Variants in RIN3 observed in about 807,000 individuals in gnomAD.
RIN3 encodes Ras and Rab interactor 3, also known as RAB5 interacting protein 3.
In RIN3, 54 loss-of-function variants were observed where a neutral mutation model predicts 76.3. The ratio of observed to expected loss-of-function variants is 0.71; its 90% CI spans 0.57 to 0.89. The LOEUF (loss-of-function observed/expected upper bound fraction) is 0.89, where lower values mean the gene tolerates loss of function less well. Ranked by LOEUF, RIN3 falls within the 40% of genes least tolerant of loss-of-function variation. RIN3 has a pLI of 0.00. For synonymous variants in RIN3, 576 were observed against 564.0 expected (o/e 1.02, Z -0.30); for missense variants, 1,256 against 1,322.1 (o/e 0.95, Z 0.78).
At chr14:92,639,345 G>A (rs1886898150) in intron 4 of RIN3, among the ~76,000 whole-genome samples, 1 of 152,152 alleles carries the variant, frequency 6.6e-6, no homozygotes, top group South Asian at 2.1e-4. Flanking sequence ...TGGACGAAGT[G>A]TGAGCAAGGG....
At chr14:92,558,692 C>T (rs1742223643) in intron 2 of RIN3, among the ~76,000 whole-genome samples, 1 of 152,160 alleles carries the variant, frequency 6.6e-6, no homozygotes, top group Non-Finnish European at 1.5e-5. Context: ...CTCTTGGGGG[C>T]AGCTGGAGCT....
At chr14:92,522,285 G>A (rs961450622) in intron 1 of RIN3, among the ~76,000 whole-genome samples, 6 of 152,070 alleles carry the variant, frequency 3.9e-5, no homozygotes, top group Admixed American at 2.6e-4. Flanking sequence ...TTTGGGTTGT[G>A]AGACCGGTGG....
intron 7 of RIN3, among the ~76,000 whole-genome samples, chr14:92,675,471 G>C (rs917031923): frequency 6.6e-6 from 1 of 152,208 alleles, no homozygotes; most frequent in African/African-American, 2.4e-5. Context: ...CACTGGCATG[G>C]GTTATTCTGC....
Position 92,583,317 on chromosome 14 carries a change from C to T in RIN3, c.367+5840C>T, listed in dbSNP as rs368836172. Among the ~76,000 whole-genome samples the T allele has an allele frequency of 1.7e-4, 26 of 152,368 alleles. No homozygotes were observed. In the South Asian group the frequency reaches 5.2e-3, roughly 30 times the overall value. ...GCTCTGTTTGAAGAAGAAACACTCG[C>T]TCTGACCACTTCCGTTTCCATGTGC... On this transcript the variant is annotated intron_variant, in intron 3 of 9. Transcript: ENST00000216487.
intron 7 of RIN3, among the ~76,000 whole-genome samples, chr14:92,667,442 A>G (rs1595498750): frequency 6.6e-6 from 1 of 152,004 alleles, no homozygotes; most frequent in East Asian, 1.9e-4. Flanking sequence ...GCTTGAACCC[A>G]GGAGGCGGAG....
In RIN3 at chr14:92,623,529, C is replaced by G. The variant is rs1390074121; in HGVS notation, c.440+8050C>G. Among the ~76,000 whole-genome samples, 1 of 152,176 alleles carries G rather than the reference C, an allele frequency of 6.6e-6. No homozygotes were observed. Among genetic ancestry groups the G allele is most frequent in the Admixed American group, 6.5e-5 (1 of 15,280 alleles). On this transcript the variant is annotated intron_variant, in intron 4 of 9. Transcript: ENST00000216487. The surrounding 1 kb of genome is among the most constrained non-coding windows in gnomAD (Gnocchi z 4.9). Reference sequence around the variant, plus strand: ...CGGGCTTTGAATCTATCAGGTACCCCCTGTGGGACTCCAATTTCATCTACA... The same window carrying G: ...CGGGCTTTGAATCTATCAGGTACCCGCTGTGGGACTCCAATTTCATCTACA...
At position 92,615,609 on chromosome 14, in the gene RIN3, G is replaced by C; in HGVS notation, c.440+130G>C. 3 of 764,926 alleles carry C rather than the reference G, an allele frequency of 3.9e-6. No individual in the cohort carries two copies. In the South Asian group the frequency reaches 4.5e-5, roughly 11 times the overall value. 47.4% of individuals were successfully genotyped at this position (764,926 alleles called of 1,614,324 possible). A position where few individuals can be genotyped will look rare whatever the true frequency, so the allele number is the denominator to read the frequency against. On this transcript the variant is annotated intron_variant, in intron 4 of 9. Coordinates refer to ENST00000216487, the MANE Select transcript of RIN3 (RefSeq NM_024832.5). ...TGTGGCCCAGAGGATGCAGAGAGAG[G>C]GCACAGGCCCCTCTGGGAACCACAG...
intron 2 of RIN3, among the ~76,000 whole-genome samples, chr14:92,572,709 T>G (rs532967052): frequency 2.0e-5 from 3 of 152,100 alleles, no homozygotes; most frequent in Non-Finnish European, 2.9e-5. Context: ...CGGTGGTGGT[T>G]GTTCTGTGGG....
intron 1 of RIN3, among the ~76,000 whole-genome samples, chr14:92,534,845 C>T (rs1242978127): frequency 6.6e-6 from 1 of 152,086 alleles, no homozygotes; most frequent in Admixed American, 6.5e-5. Context: ...TTTTATTGTT[C>T]CCCCTGAAGT....
Position 92,652,702 on chromosome 14 carries a change from C to T in RIN3, c.1653C>T (p.Ser551=), listed in dbSNP as rs1887509378. Residue 551 remains serine (S), a synonymous_variant, in exon 6 of 10, where the codon TCC becomes TCT. Transcript: ENST00000216487. The surrounding 1 kb of genome is among the most constrained non-coding windows in gnomAD (Gnocchi z 6.4). ...SVMATDQDSY[S]TSSTEEELEQ... Reference sequence around the variant, plus strand: ...TGGCCACCGACCAGGACTCCTACTCCACCAGCAGCACGGAGGAGGAGCTGG... The same window carrying T: ...TGGCCACCGACCAGGACTCCTACTCTACCAGCAGCACGGAGGAGGAGCTGG... The T allele has an allele frequency of 6.2e-7, 1 of 1,613,560 alleles. No homozygotes were observed. Among genetic ancestry groups the T allele is most frequent in the Non-Finnish European group, 8.5e-7 (1 of 1,180,040 alleles).
At chr14:92,608,917 G>A (rs947619375) in intron 3 of RIN3, among the ~76,000 whole-genome samples, 1 of 152,094 alleles carries the variant, frequency 6.6e-6, no homozygotes, top group East Asian at 1.9e-4. Flanking sequence ...TAATTTGGGG[G>A]TACAAGTGGG....
At chr14:92,638,570 C>T (rs899798531) in intron 4 of RIN3, among the ~76,000 whole-genome samples, 6 of 152,260 alleles carry the variant, frequency 3.9e-5, no homozygotes, top group African/African-American at 1.2e-4. Context: ...GTGATACACA[C>T]GGCGACGGAG....
At chr14:92,671,690 C>T (rs915309419) in intron 7 of RIN3, among the ~76,000 whole-genome samples, 6 of 152,244 alleles carry the variant, frequency 3.9e-5, no homozygotes, top group African/African-American at 9.6e-5. Context: ...CCCACATGGC[C>T]GGCCCCGAAG....
intron 3 of RIN3, among the ~76,000 whole-genome samples, chr14:92,613,953 G>T (rs1389011367): frequency 6.6e-6 from 1 of 152,210 alleles, no homozygotes; most frequent in Non-Finnish European, 1.5e-5. Flanking sequence ...TGGGGCAGGT[G>T]CCTGTGGGGC....
rs1304587690 is a variant in RIN3, at chr14:92,535,670, T to A, written c.45-20081T>A. 2.2e-3 allele frequency among the ~76,000 whole-genome samples: 9 copies of A among 4,166 alleles called. No homozygotes were observed. The South Asian group carries it at 0.058, about 27-fold the overall frequency. 2.7% of individuals were successfully genotyped at this position (4,166 alleles called of 152,430 possible). A position where few individuals can be genotyped will look rare whatever the true frequency, so the allele number is the denominator to read the frequency against. On this transcript the variant is annotated intron_variant, in intron 1 of 9. Transcript: ENST00000216487. ...AGGACACAGTCTACCTGGAACAGAC[T>A]TTTTTTTTTTTTTTTTTTTTTTTAG...
chr14:92,567,801 C>A (rs1049932697), intron 2 of RIN3, among the ~76,000 whole-genome samples: 1 of 152,000 alleles, frequency 6.6e-6, no homozygotes, highest in Non-Finnish European at 1.5e-5. Context: ...GGTTCAGCTG[C>A]AAGCATAGTA....
intron 6 of RIN3, among the ~76,000 whole-genome samples, chr14:92,655,635 G>A (rs1217723055): frequency 1.3e-5 from 2 of 152,278 alleles, no homozygotes; most frequent in African/African-American, 4.8e-5. Context: ...CAGACTCAGT[G>A]TGAGGCTACT....
At chr14:92,557,375 C>T (rs1897621006) in intron 2 of RIN3, among the ~76,000 whole-genome samples, 1 of 152,198 alleles carries the variant, frequency 6.6e-6, no homozygotes, top group Admixed American at 6.5e-5. Context: ...ATGTTGAGCA[C>T]ACACGTTTTA....
chr14:92,543,670 C>T (rs1897177229), intron 1 of RIN3, among the ~76,000 whole-genome samples: 1 of 133,326 alleles, frequency 7.5e-6, no homozygotes, highest in Admixed American at 8.5e-5. Flanking sequence ...GCAACCTCCG[C>T]TTCTGGGGTT....
Sources: gnomAD v4.1 joint callset for allele counts (sites outside exome capture counted in the v4.1 genomes callset) on GRCh38, gnomAD v4.1.1 for gene constraint, Gnocchi (gnomAD v3.1) non-coding constraint, MANE v1.5 for transcripts, NCBI Gene and HGNC (gene_info 2026-07-23, HGNC 2026-07-21) for gene names.